The following ELOVL5 variants were observed in gnomAD, a reference collection of about 807,000 sequenced individuals.
ELOVL5 encodes very long chain fatty acid elongase 5.
In ELOVL5, 8 loss-of-function variants were observed where a neutral mutation model predicts 38.6. The ratio of observed to expected loss-of-function variants is 0.21; its 90% CI spans 0.12 to 0.37. The LOEUF (loss-of-function observed/expected upper bound fraction) is 0.37, where lower values mean the gene tolerates loss of function less well. Ranked by LOEUF, ELOVL5 falls within the 10% of genes least tolerant of loss-of-function variation. The pLI is 1.00. For missense variants in ELOVL5, 280 were observed against 367.8 expected, an observed-to-expected ratio of 0.76 and a Z score of 1.95; for synonymous variants, 127 against 133.7, an observed-to-expected ratio of 0.95 and a Z score of 0.34.
At chr6:53,287,217 C>T (rs1480644134) in intron 3 of ELOVL5, among the ~76,000 whole-genome samples, 1 of 152,198 alleles carries the variant, frequency 6.6e-6, no homozygotes, top group Admixed American at 6.5e-5. Flanking sequence ...ACACTATTCA[C>T]AACATATAGT....
intron 1 of ELOVL5, among the ~76,000 whole-genome samples, chr6:53,317,025 T>C (rs1416275734): frequency 6.6e-6 from 1 of 152,142 alleles, no homozygotes; most frequent in African/African-American, 2.4e-5. Flanking sequence ...GTACATTAAG[T>C]TCATAGTATT....
At chr6:53,271,506 C>T (rs575345747) in intron 6 of ELOVL5, among the ~76,000 whole-genome samples, 5 of 152,102 alleles carry the variant, frequency 3.3e-5, no homozygotes, top group Non-Finnish European at 5.9e-5. Context: ...ACCGAGATCG[C>T]GCCACTGCAC....
intron 3 of ELOVL5, chr6:53,287,785 T>TG: frequency 3.0e-6 from 4 of 1,326,348 alleles, no homozygotes; most frequent in Non-Finnish European, 4.2e-6. Flanking sequence ...TGCCTCCTTC[T>TG]GAGGAAAGGA....
intron 1 of ELOVL5, among the ~76,000 whole-genome samples, chr6:53,305,739 G>A (rs576989444): frequency 4.0e-5 from 6 of 150,114 alleles, no homozygotes; most frequent in African/African-American, 9.8e-5. Context: ...CAGGCAGAGG[G>A]TCTCCTCACA....
At chr6:53,338,259 CA>C (rs1046888148) in intron 1 of ELOVL5, among the ~76,000 whole-genome samples, 9 of 152,218 alleles carry the variant, frequency 5.9e-5, no homozygotes, top group Admixed American at 3.9e-4. Context: ...AACTCTGTAC[CA>C]GGGGGTCAAT....
rs192552140 is a variant in ELOVL5 at position 53,279,358 on chromosome 6, T to A, written c.247-3102A>T. Among the ~76,000 whole-genome samples, 66 of 152,368 alleles carry A rather than the reference T, an allele frequency of 4.3e-4. 1 individual carries two copies. The highest frequency in any genetic ancestry group is 1.5e-3 in the African/African-American group (62 of 41,586). On this transcript the variant is annotated intron_variant, in intron 3 of 7. Coordinates refer to ENST00000304434, the MANE Select transcript of ELOVL5 (RefSeq NM_021814.5). ...TTCAGTTAAAATTCTATTTTCTTCA[T>A]GATTACTCCCTTGAGCACTAGAGCC...
chr6:53,279,165 C>T (rs968281027), intron 3 of ELOVL5, among the ~76,000 whole-genome samples: 1 of 152,142 alleles, frequency 6.6e-6, no homozygotes, highest in East Asian at 1.9e-4. Context: ...ATGGGATAAA[C>T]ATAAGGCTCC....
chr6:53,269,542 T>G (rs1433518920), intron 7 of ELOVL5, among the ~76,000 whole-genome samples: 1 of 152,138 alleles, frequency 6.6e-6, no homozygotes, highest in Non-Finnish European at 1.5e-5. Flanking sequence ...AAAATTCAAT[T>G]TACACTTTGC....
intron 1 of ELOVL5, among the ~76,000 whole-genome samples, chr6:53,342,775 C>G (rs555464382): frequency 2.6e-5 from 4 of 152,194 alleles, no homozygotes; most frequent in African/African-American, 9.6e-5. Context: ...GTAAAAAAGT[C>G]CAATCTAATA....
intron 1 of ELOVL5, among the ~76,000 whole-genome samples, chr6:53,310,037 C>T (rs942386683): frequency 6.6e-6 from 1 of 152,162 alleles, no homozygotes; most frequent in Non-Finnish European, 1.5e-5. Context: ...TTAACAAGGT[C>T]AGTGGGGCTG....
chr6:53,285,548 G>A lies in ELOVL5; in HGVS notation c.246+6228C>T, dbSNP rs115692061. Among the ~76,000 whole-genome samples, 769 of 131,576 alleles carry A rather than the reference G, an allele frequency of 5.8e-3. 10 individuals are homozygous for A. The highest frequency in any genetic ancestry group is 0.025 in the African/African-American group (737 of 29,738). The allele number at this position is 131,576 out of a possible 152,430, so 86.3% of individuals were successfully genotyped here. On this transcript the variant is annotated intron_variant, in intron 3 of 7. Transcript: ENST00000304434. ...GGAAGATTTAACTAAGATCACTGAC[G>A]AACATGGCTACACTAAACTGTAGCA...
rs142712858 is a variant in ELOVL5 at position 53,326,646 on chromosome 6, C to A, written c.-9+22171G>T. ...AGACTAGGTTAGGTCCCTCTCTGTA[C>A]ATTCTAATCATACTCCAAATACAAA... On this transcript the variant is annotated intron_variant, in intron 1 of 7. Coordinates refer to ENST00000304434, the MANE Select transcript of ELOVL5 (RefSeq NM_021814.5). Among the ~76,000 whole-genome samples the A allele has an allele frequency of 8.1e-4, 123 of 152,334 alleles. 4 individuals carry two copies. The East Asian group carries it at 0.023, about 29-fold the overall frequency.
chr6:53,326,541 G>T (rs554732005), intron 1 of ELOVL5, among the ~76,000 whole-genome samples: 38 of 152,206 alleles, frequency 2.5e-4, no homozygotes, highest in South Asian at 2.3e-3. Context: ...AGCAGGGAAA[G>T]CTCCCTTACC....
chr6:53,301,127 T>C (rs932804244), intron 1 of ELOVL5, among the ~76,000 whole-genome samples: 1 of 152,158 alleles, frequency 6.6e-6, no homozygotes, highest in Non-Finnish European at 1.5e-5. Context: ...TCTTGACACT[T>C]TGCCTAGTAA....
At chr6:53,339,919 G>A (rs1769255173) in intron 1 of ELOVL5, among the ~76,000 whole-genome samples, 1 of 152,192 alleles carries the variant, frequency 6.6e-6, no homozygotes, top group Non-Finnish European at 1.5e-5. Context: ...CAGCTCATGT[G>A]TGTTACTGCT....
intron 1 of ELOVL5, among the ~76,000 whole-genome samples, chr6:53,313,100 G>A (rs1402003218): frequency 6.6e-6 from 1 of 152,140 alleles, no homozygotes; most frequent in Admixed American, 6.5e-5. Context: ...CTGTCAAACA[G>A]TAAGAAAATC....
rs70980840 is a variant in ELOVL5 at position 53,324,691 on chromosome 6, A to AAAAAAAAAAAAAAAAC, written c.-9+24125_-9+24126insGTTTTTTTTTTTTTTT. 2.5e-4 allele frequency among the ~76,000 whole-genome samples: 29 copies of AAAAAAAAAAAAAAAAC among 118,092 alleles called. 3 individuals carry two copies. Among genetic ancestry groups the AAAAAAAAAAAAAAAAC allele is most frequent in the East Asian group, 7.7e-4 (3 of 3,892 alleles). The allele number at this position is 118,092 out of a possible 152,430, so 77.5% of individuals were successfully genotyped here. ...TCCTGTCAAAAAAAAAAAAAAAAAA[A>AAAAAAAAAAAAAAAAC]GGAAAAGAAATAGAATCAGGAAGGA... On this transcript the variant is annotated intron_variant, in intron 1 of 7. Transcript: ENST00000304434.
At chr6:53,307,817 C>CT (rs554548840) in intron 1 of ELOVL5, among the ~76,000 whole-genome samples, 30 of 151,340 alleles carry the variant, frequency 2.0e-4, no homozygotes, top group South Asian at 2.1e-4. Flanking sequence ...TCTGATAAGC[C>CT]TTTTTTTTTG....
chr6:53,345,546 T>C (rs1769501967), intron 1 of ELOVL5, among the ~76,000 whole-genome samples: 1 of 152,260 alleles, frequency 6.6e-6, no homozygotes. Flanking sequence ...TCAGGAACTG[T>C]TGTAATTCAT....
Sources: gnomAD v4.1 joint callset for allele counts (sites outside exome capture counted in the v4.1 genomes callset) on GRCh38, gnomAD v4.1.1 for gene constraint, MANE v1.5 for transcripts, NCBI Gene and HGNC (gene_info 2026-07-23, HGNC 2026-07-21) for gene names.